Variants in CCNQ observed in about 807,000 individuals in gnomAD.
CCNQ encodes the protein cyclin Q.
A neutral mutation model predicts 17.7 loss-of-function variants in CCNQ; 3 were observed. The observed-to-expected ratio is 0.17, with a 90% confidence interval of 0.08 to 0.44. The LOEUF is 0.44. Among genes scored for constraint, CCNQ ranks in the 20% least tolerant of loss-of-function variants. The probability of loss-of-function intolerance (pLI) is 0.99; values close to 1 mark genes in which losing one functional copy is unlikely to be tolerated. For synonymous variants in CCNQ, 73 were observed against 96.0 expected, an observed-to-expected ratio of 0.76 and a Z score of 1.40; for missense variants, 146 against 222.6, an observed-to-expected ratio of 0.66 and a Z score of 2.19.
At chrX:153,588,548 G>T in intron 4 of CCNQ, 94 bp from the exon 5 acceptor site, 1 of 669,426 alleles carries the variant, frequency 1.5e-6, no homozygotes, top group South Asian at 2.2e-5. Flanking sequence ...TCATGGGCAG[G>T]GGAGGGGCAC....
At chrX:153,596,577 G>T (rs1557027157) in intron 1 of CCNQ, among the ~76,000 whole-genome samples, 1 of 112,636 alleles carries the variant, frequency 8.9e-6, no homozygotes, top group Non-Finnish European at 1.9e-5. Context: ...ATATGCTGTT[G>T]TGTGTCTGGG....
rs60713534 is a variant in CCNQ, at chrX:153,593,316, A to G, written c.430-583T>C. Reference sequence around the variant, plus strand: ...ACACACATGCGTGTGACCCCAGCACACCATGCAGGAGGGATACATAGGTTA... The same window carrying G: ...ACACACATGCGTGTGACCCCAGCACGCCATGCAGGAGGGATACATAGGTTA... On this transcript the variant is annotated intron_variant, in intron 3 of 4. Transcript: ENST00000576892. Among the ~76,000 whole-genome samples, 808 of 112,317 alleles carry G rather than the reference A, an allele frequency of 7.2e-3. 5 individuals are homozygous for G. Among genetic ancestry groups the G allele is most frequent in the African/African-American group, 0.023 (716 of 30,901 alleles).
chrX:153,593,051 G>A (rs910696636), intron 3 of CCNQ, among the ~76,000 whole-genome samples: 2 of 112,270 alleles, frequency 1.8e-5, no homozygotes, highest in African/African-American at 6.5e-5. Flanking sequence ...CACAGGGCCC[G>A]CTCTGGCCAC....
chrX:153,592,341 G>T (rs1050662000), intron 4 of CCNQ, among the ~76,000 whole-genome samples, 165 bp downstream of exon 4: 8 of 113,455 alleles, frequency 7.1e-5, no homozygotes, highest in Non-Finnish European at 1.3e-4. Flanking sequence ...TGCCGAGGGG[G>T]AGAGCCTGTC....
chrX:153,593,333 C>T (rs782760165), intron 3 of CCNQ, among the ~76,000 whole-genome samples: 1 of 112,536 alleles, frequency 8.9e-6, no homozygotes, highest in African/African-American at 3.2e-5. Flanking sequence ...AGGAGGGATA[C>T]ATAGGTTACT....
intron 4 of CCNQ, 61 bp from the exon 5 acceptor site, chrX:153,588,515 G>T: frequency 1.2e-6 from 1 of 862,419 alleles, no homozygotes; most frequent in Non-Finnish European, 1.7e-6. Flanking sequence ...CAAGGCACCT[G>T]TCACTAAGCA....
intron 1 of CCNQ, among the ~76,000 whole-genome samples, chrX:153,598,222 C>A (rs1375828930): frequency 8.9e-6 from 1 of 111,786 alleles, no homozygotes; most frequent in Non-Finnish European, 1.9e-5. Flanking sequence ...TCAAGACCAG[C>A]CTGGCCAACA....
At chrX:153,592,833 G>A (rs1306528899) in intron 3 of CCNQ, 100 bp from the exon 4 acceptor site, 39 of 811,385 alleles carry the variant, frequency 4.8e-5, no homozygotes, top group Non-Finnish European at 5.9e-5. Flanking sequence ...CAGCTTCCAT[G>A]TCCCTCAGGA....
At position 153,592,527 on chromosome X, in the gene CCNQ, C is replaced by T; in HGVS notation, c.636G>A (p.Glu212=). 1.6e-6 allele frequency: 2 copies of T among 1,212,327 alleles called. No homozygotes were observed. Among genetic ancestry groups the T allele is most frequent in the Non-Finnish European group, 1.1e-6 (1 of 895,555 alleles). Residue 212 remains glutamate (E), a synonymous_variant, in exon 4 of 5, where the codon GAG becomes GAA. Transcript: ENST00000576892. The part of the protein sequence containing the change: ...VYGVEVPAEV[E]AEKPWWQVFN... ...TCACCTGCCACCACGGCTTCTCAGC[C>T]TCGACCTCGGCGGGCACCTCAACTC...
chrX:153,596,484 C>T (rs969734062), intron 1 of CCNQ, among the ~76,000 whole-genome samples: 10 of 112,430 alleles, frequency 8.9e-5, no homozygotes, highest in African/African-American at 3.2e-4. Flanking sequence ...GGTCTATAGA[C>T]CACGCTCTGG....
intron 2 of CCNQ, 51 bp from the exon 3 acceptor site, chrX:153,594,730 C>A: frequency 2.5e-6 from 3 of 1,183,472 alleles, no homozygotes; most frequent in Non-Finnish European, 3.4e-6. Context: ...CTCCTGAGCA[C>A]TGGATGGCTC....
In CCNQ at chrX:153,590,010, T is replaced by C. The variant is rs782505430; in HGVS notation, c.658-1556A>G. Reference sequence around the variant, plus strand: ...TGGGAGGCCGAGGCGGGTGGATCACTGGAGGTCACGAGTTCAAGATCAGCC... The same window carrying C: ...TGGGAGGCCGAGGCGGGTGGATCACCGGAGGTCACGAGTTCAAGATCAGCC... On this transcript the variant is annotated intron_variant, in intron 4 of 4. Transcript: ENST00000576892. 3.1e-4 allele frequency among the ~76,000 whole-genome samples: 34 copies of C among 109,324 alleles called. No individual in the cohort carries two copies. The East Asian group carries it at 5.2e-3, about 17-fold the overall frequency. The allele number at this position is 109,324 out of a possible 115,157, so 94.9% of individuals were successfully genotyped here. A position where few individuals can be genotyped will look rare whatever the true frequency, so the allele number is the denominator to read the frequency against.
At chrX:153,597,714 G>A (rs1166407365) in intron 1 of CCNQ, 3 of 111,782 alleles carry the variant, frequency 2.7e-5, no homozygotes, top group Admixed American at 9.5e-5. Flanking sequence ...CTCCTACAAA[G>A]GACAAAGGAT....
Position 153,589,309 on chromosome X carries a change from G to A in CCNQ, c.658-855C>T, listed in dbSNP as rs147023980. On this transcript the variant is annotated intron_variant, in intron 4 of 4. Coordinates refer to ENST00000576892, the MANE Select transcript of CCNQ (RefSeq NM_152274.5). ...CATGGCTGGGATGAGCTTCCCGGTT[G>A]TGACTCCGTGCTCGCTGTCCCACAC... 5.4e-3 allele frequency among the ~76,000 whole-genome samples: 610 copies of A among 112,936 alleles called. 2 individuals are homozygous for A. Among genetic ancestry groups the A allele is most frequent in the Non-Finnish European group, 8.6e-3 (460 of 53,284 alleles).
chrX:153,596,028 C>T lies in CCNQ; in HGVS notation c.272G>A (p.Arg91His). ...GKVEEQHLRT[R>H]DIINVSNRYF... ...CCTGTTGGACACATTGATGATGTCA[C>T]GAGTCCGCAGGTGCTGCTCTTCCAC... Residue 91 changes from arginine (R) to histidine (H), a missense_variant, in exon 2 of 5, where the codon CGT becomes CAT. Arg to His is a conservative substitution (Grantham distance 29). Transcript: ENST00000576892. 8.3e-7 allele frequency: 1 copy of T among 1,212,019 alleles called. No homozygotes were observed. Among genetic ancestry groups the T allele is most frequent in the South Asian group, 1.8e-5 (1 of 57,024 alleles).
chrX:153,596,254 G>A, intron 1 of CCNQ, 67 bp from the exon 2 acceptor site: 2 of 1,127,868 alleles, frequency 1.8e-6, no homozygotes, highest in Non-Finnish European at 2.4e-6. Flanking sequence ...AGTGAGGGGA[G>A]CCATTGGAAT....
intron 4 of CCNQ, 30 bp downstream of exon 4, chrX:153,592,476 C>A: frequency 8.5e-7 from 1 of 1,181,755 alleles, no homozygotes; most frequent in Non-Finnish European, 1.2e-6. Flanking sequence ...GGAAAGGGGG[C>A]ACGTCCAGTG....
At chrX:153,591,131 C>G (rs1035898714) in intron 4 of CCNQ, among the ~76,000 whole-genome samples, 4 of 111,594 alleles carry the variant, frequency 3.6e-5, no homozygotes, top group Admixed American at 9.5e-5. Flanking sequence ...GCCGTGAGCT[C>G]TGCAGCACCC....
chrX:153,591,607 C>G (rs782637131), intron 4 of CCNQ, among the ~76,000 whole-genome samples: 6 of 111,502 alleles, frequency 5.4e-5, no homozygotes, highest in Admixed American at 1.9e-4. Context: ...TTTGCCCCCC[C>G]CAGAGTCCAA....
Sources: gnomAD v4.1 joint callset for allele counts (sites outside exome capture counted in the v4.1 genomes callset) on GRCh38, gnomAD v4.1.1 for gene constraint, MANE v1.5 for transcripts, NCBI Gene and HGNC (gene_info 2026-07-23, HGNC 2026-07-21) for gene names.